TAF11: variants seen among roughly 807,000 people sequenced by gnomAD.
TAF11 encodes TATA-box binding protein associated factor 11.
Under a neutral mutation model 23.0 loss-of-function variants are expected in TAF11, and 10 were observed. The observed-to-expected ratio is 0.43, with a 90% CI of 0.27 to 0.74. The LOEUF (loss-of-function observed/expected upper bound fraction) is 0.74. Ranked by LOEUF, TAF11 falls within the 30% of genes least tolerant of loss-of-function variation. TAF11 has a pLI of 0.19. For synonymous variants in TAF11, 85 were observed against 95.8 expected, an observed-to-expected ratio of 0.89 and a Z score of 0.66; for missense variants, 196 against 261.7, an observed-to-expected ratio of 0.75 and a Z score of 1.73.
rs546188260 is a variant in TAF11 at position 34,882,325 on chromosome 6, C to T, written c.320+607G>A. 2.5e-3 allele frequency among the ~76,000 whole-genome samples: 357 copies of T among 145,232 alleles called. 1 individual carries two copies. The highest frequency in any genetic ancestry group is 3.0e-3 in the African/African-American group (116 of 38,832). On this transcript the variant is annotated intron_variant, in intron 2 of 4. Coordinates refer to ENST00000361288, the MANE Select transcript of TAF11 (RefSeq NM_005643.4). ...CGCACTCCAGCCTGAGCAACGAGAG[C>T]GAAACTCTGTCTCAAAAAAAAAAAA...
At chr6:34,882,910 G>A (rs747554151) in intron 2 of TAF11, 22 bp downstream of exon 2, 15 of 1,571,268 alleles carry the variant, frequency 9.5e-6, no homozygotes, top group Middle Eastern at 2.2e-4. Context: ...TCGAAATGGG[G>A]AATGATAAGA....
chr6:34,878,855 G>T, intron 4 of TAF11, 135 bp from the exon 5 acceptor site: 2 of 731,160 alleles, frequency 2.7e-6, no homozygotes, highest in Non-Finnish European at 4.5e-6. Context: ...TCCTTTTTAA[G>T]AGAATATTAG....
At position 34,883,074 on chromosome 6, in the gene TAF11, T is replaced by C; in HGVS notation, c.178A>G (p.Ser60Gly). 6.2e-7 allele frequency: 1 copy of C among 1,607,712 alleles called. No individual in the cohort carries two copies. The highest frequency in any genetic ancestry group is 8.5e-7 in the Non-Finnish European group (1 of 1,178,390). The part of the protein sequence containing the change: ...EAAAEEGELE[S>G]QDVSDLTTVE... Reference sequence around the variant, plus strand: ...GTTGTTAAATCTGAGACATCCTGACTCTCGAGCTGGGAAGATGAAAGAAAC... The same window carrying C: ...GTTGTTAAATCTGAGACATCCTGACCCTCGAGCTGGGAAGATGAAAGAAAC... The change falls in exon 2 of 5, where the codon AGT (serine) becomes GGT (glycine). Residue 60 changes from serine (S) to glycine (G), a missense_variant. By Grantham distance (56) the Ser-to-Gly change is moderately conservative. Coordinates refer to ENST00000361288, the MANE Select transcript of TAF11 (RefSeq NM_005643.4).
intron 1 of TAF11, among the ~76,000 whole-genome samples, chr6:34,887,224 C>T (rs766052765): frequency 8.5e-5 from 13 of 152,082 alleles, no homozygotes; most frequent in Non-Finnish European, 1.6e-4. Context: ...ATCGCGTGAA[C>T]CCAGGAGGCG....
chr6:34,881,270 T>C (rs1446694925), intron 2 of TAF11, among the ~76,000 whole-genome samples: 2 of 152,220 alleles, frequency 1.3e-5, no homozygotes, highest in Non-Finnish European at 2.9e-5. Flanking sequence ...CATTAAAAAT[T>C]ATGATTTATG....
intron 2 of TAF11, among the ~76,000 whole-genome samples, chr6:34,882,078 A>G (rs1490500444): frequency 8.7e-5 from 13 of 149,392 alleles, no homozygotes; most frequent in Non-Finnish European, 1.3e-4. Flanking sequence ...AGTGGCTCAC[A>G]CCTGTAATCC....
rs543369674 is a variant in TAF11, at chr6:34,887,841, T to C, written c.117A>G (p.Glu39=). 1.9e-6 allele frequency: 3 copies of C among 1,614,226 alleles called. No individual in the cohort carries two copies. Among genetic ancestry groups the C allele is most frequent in the Non-Finnish European group, 2.5e-6 (3 of 1,180,044 alleles). The change falls in exon 1 of 5, where the codon GAA becomes GAG. Residue 39 remains glutamate, a synonymous_variant. Transcript: ENST00000361288. ...AGTCCACATCTGCGTCTCCGTCAGT[T>C]TCCTCTGGGATTCCATCGGTGTCGG... ...GATDTDGIPE[E]TDGDADVDLK...
chr6:34,880,486 A>T lies in TAF11; in HGVS notation c.321-110T>A. On this transcript the variant is annotated intron_variant, in intron 2 of 4. Coordinates refer to ENST00000361288, the MANE Select transcript of TAF11 (RefSeq NM_005643.4). This position sits in a 1 kb window ranked among gnomAD's most constrained non-coding sequence, Gnocchi z 4.8. The stretch of plus-strand genomic sequence containing the variant: ...CAAAAACGAATTCTTAAAGGGGTCA[A>T]TGGCATTAGGCTTGGTGCCTTGAGG... 1 of 931,992 alleles carries T rather than the reference A, an allele frequency of 1.1e-6. No homozygotes were observed. Among genetic ancestry groups the T allele is most frequent in the East Asian group, 2.5e-5 (1 of 39,326 alleles). The allele number at this position is 931,992 out of a possible 1,614,324, so 57.7% of individuals were successfully genotyped here.
At position 34,879,970 on chromosome 6, in the gene TAF11, C is replaced by G; in HGVS notation, c.502G>C (p.Glu168Gln). The G allele has an allele frequency of 6.2e-7, 1 of 1,613,816 alleles. No individual in the cohort carries two copies. Among genetic ancestry groups the G allele is most frequent in the Non-Finnish European group, 8.5e-7 (1 of 1,179,788 alleles). Reference protein sequence around the residue: ...SKVFVGEVVEEALDVCEKWGE... With the variant: ...SKVFVGEVVEQALDVCEKWGE... ...ATTTGTAACCAACACTACTCACCTT[C>G]TTCTACCACCTCCCCGACGAAAACC... The change falls in exon 4 of 5, where the codon GAA becomes CAA. Residue 168 changes from glutamate to glutamine, a missense_variant. Coordinates refer to ENST00000361288, the MANE Select transcript of TAF11 (RefSeq NM_005643.4).
Sources: gnomAD v4.1 joint callset for allele counts (sites outside exome capture counted in the v4.1 genomes callset) on GRCh38, gnomAD v4.1.1 for gene constraint, Gnocchi (gnomAD v3.1) non-coding constraint, MANE v1.5 for transcripts, NCBI Gene and HGNC (gene_info 2026-07-23, HGNC 2026-07-21) for gene names.